The following SH3RF1 variants were observed in gnomAD, a reference collection of about 807,000 sequenced individuals.
The protein encoded by SH3RF1 is SH3 domain containing ring finger 1, also known as E3 ubiquitin-protein ligase SH3RF1.
In SH3RF1, 32 loss-of-function variants were observed where a neutral mutation model predicts 74.0. That is an observed-to-expected ratio of 0.43 (90% CI 0.33 to 0.58). The LOEUF (loss-of-function observed/expected upper bound fraction) is 0.58, where lower values mean the gene tolerates loss of function less well. Ranked by LOEUF, SH3RF1 falls within the 20% of genes least tolerant of loss-of-function variation. The pLI, the probability that SH3RF1 is intolerant of heterozygous loss-of-function variation, is 0.05. For synonymous variants in SH3RF1, 396 were observed against 439.6 expected (o/e 0.90, Z 1.24); for missense variants, 954 against 1,130.9 (o/e 0.84, Z 2.24).
chr4:169,180,756 C>T (rs900528477), intron 2 of SH3RF1, among the ~76,000 whole-genome samples: 11 of 152,246 alleles, frequency 7.2e-5, no homozygotes, highest in African/African-American at 2.6e-4. Flanking sequence ...TTGAAACAAA[C>T]TCACTTATTC....
At chr4:169,107,275 C>T in intron 10 of SH3RF1, 70 bp from the exon 11 acceptor site, 1 of 1,364,316 alleles carries the variant, frequency 7.3e-7, no homozygotes, top group Non-Finnish European at 9.9e-7. Flanking sequence ...CTAAAGGGCC[C>T]TATAGTTCAT....
At position 169,117,528 on chromosome 4, in the gene SH3RF1, C is replaced by T. The variant is rs747837862; in HGVS notation, c.1772G>A (p.Arg591Lys). 5.0e-6 allele frequency: 8 copies of T among 1,614,218 alleles called. No individual in the cohort carries two copies. The South Asian group carries it at 7.7e-5, about 16-fold the overall frequency. ...TGGCCTGGGTTCCTCCTTACCTGTC[C>T]TCACAGCATTGCGGGCCTGGTTGAC... ...MTVNQARNAV[R>K]TVAAHNQERP... The change falls in exon 9 of 12, where the codon AGG becomes AAG. Residue 591 changes from arginine to lysine, a missense_variant. By Grantham distance (26) the Arg-to-Lys change is conservative. Coordinates refer to ENST00000284637, the MANE Select transcript of SH3RF1 (RefSeq NM_020870.4).
At chr4:169,181,217 T>A (rs1734504495) in intron 2 of SH3RF1, among the ~76,000 whole-genome samples, 1 of 150,840 alleles carries the variant, frequency 6.6e-6, no homozygotes, top group Admixed American at 6.6e-5. Flanking sequence ...TGATGTCTCA[T>A]ACCCAAAATT....
At chr4:169,254,414 G>C (rs1731151014) in intron 2 of SH3RF1, among the ~76,000 whole-genome samples, 1 of 152,050 alleles carries the variant, frequency 6.6e-6, no homozygotes, top group Non-Finnish European at 1.5e-5. Context: ...TAATAAACAA[G>C]GTATATATGT....
At chr4:169,264,923 C>T (rs904428679) in intron 2 of SH3RF1, among the ~76,000 whole-genome samples, 17 of 152,318 alleles carry the variant, frequency 1.1e-4, no homozygotes, top group Admixed American at 1.1e-3. Context: ...TTCGCCTCTG[C>T]CCCTTCCCTG....
intron 8 of SH3RF1, among the ~76,000 whole-genome samples, chr4:169,120,211 A>C (rs1733415378): frequency 6.6e-6 from 1 of 152,236 alleles, no homozygotes; most frequent in South Asian, 2.1e-4. Flanking sequence ...TCAGTTGAGA[A>C]GGATCTATGC....
At chr4:169,101,436 G>A (rs534557009) in intron 11 of SH3RF1, among the ~76,000 whole-genome samples, 1 of 152,210 alleles carries the variant, frequency 6.6e-6, no homozygotes, top group African/African-American at 2.4e-5. Context: ...AAGTAGAAGG[G>A]TGGTTGCAGG....
chr4:169,173,310 T>C (rs1158723817), intron 2 of SH3RF1, among the ~76,000 whole-genome samples: 3 of 152,106 alleles, frequency 2.0e-5, no homozygotes, highest in African/African-American at 7.2e-5. Context: ...CACCAAATAA[T>C]TGACTCAGGC....
At chr4:169,208,067 T>C (rs940570260) in intron 2 of SH3RF1, among the ~76,000 whole-genome samples, 3 of 151,998 alleles carry the variant, frequency 2.0e-5, no homozygotes, top group African/African-American at 7.2e-5. Context: ...TGCTATGCAC[T>C]AGGTAACATG....
At chr4:169,226,584 A>AC (rs1228251578) in intron 2 of SH3RF1, among the ~76,000 whole-genome samples, 2 of 152,210 alleles carry the variant, frequency 1.3e-5, no homozygotes, top group African/African-American at 4.8e-5. Context: ...ACCATTCCTT[A>AC]CCCCCCTAGA....
chr4:169,237,901 T>C (rs1188032819), intron 2 of SH3RF1, among the ~76,000 whole-genome samples: 1 of 152,238 alleles, frequency 6.6e-6, no homozygotes, highest in East Asian at 1.9e-4. Flanking sequence ...TGAAATCTGA[T>C]CACCCTTGAT....
At chr4:169,217,007 A>C (rs1415261084) in intron 2 of SH3RF1, among the ~76,000 whole-genome samples, 4 of 135,766 alleles carry the variant, frequency 2.9e-5, no homozygotes, top group South Asian at 2.6e-4. Flanking sequence ...AAAAAAAAAA[A>C]AAAAAACCAG....
chr4:169,226,588 C>A (rs550475790), intron 2 of SH3RF1, among the ~76,000 whole-genome samples: 2 of 152,056 alleles, frequency 1.3e-5, no homozygotes, highest in African/African-American at 2.4e-5. Flanking sequence ...TTCCTTACCC[C>A]CCTAGAAAGG....
chr4:169,098,162 G>C (rs925528844), intron 11 of SH3RF1, among the ~76,000 whole-genome samples: 2 of 152,236 alleles, frequency 1.3e-5, no homozygotes, highest in Non-Finnish European at 2.9e-5. Flanking sequence ...TTAAGCCACT[G>C]ACTTTTGGGC....
At chr4:169,146,574 A>G (rs1186597667) in intron 4 of SH3RF1, among the ~76,000 whole-genome samples, 1 of 152,154 alleles carries the variant, frequency 6.6e-6, no homozygotes, top group Non-Finnish European at 1.5e-5. Context: ...TATTGAGAGG[A>G]CAAAATGACA....
At chr4:169,203,138 T>G (rs1054094621) in intron 2 of SH3RF1, among the ~76,000 whole-genome samples, 1 of 152,204 alleles carries the variant, frequency 6.6e-6, no homozygotes, top group African/African-American at 2.4e-5. Flanking sequence ...CAGAAAACAC[T>G]TAAGAACATG....
chr4:169,166,348 G>T, intron 2 of SH3RF1: 1 of 156,890 alleles, frequency 6.4e-6, no homozygotes, highest in South Asian at 1.7e-4. Context: ...CTGGTGGTAA[G>T]GTGAAAACGG....
At chr4:169,227,543 T>C (rs1730670307) in intron 2 of SH3RF1, among the ~76,000 whole-genome samples, 2 of 152,230 alleles carry the variant, frequency 1.3e-5, no homozygotes, top group African/African-American at 2.4e-5. Flanking sequence ...CAATAGAATG[T>C]TTAAAATCTG....
chr4:169,149,611 C>T (rs1733944601), intron 4 of SH3RF1, among the ~76,000 whole-genome samples: 1 of 152,168 alleles, frequency 6.6e-6, no homozygotes, highest in Non-Finnish European at 1.5e-5. Flanking sequence ...TTATTTACTT[C>T]AGGTTTGAAA....
Sources: allele counts gnomAD v4.1 joint callset (sites outside exome capture counted in the v4.1 genomes callset), GRCh38; gene constraint gnomAD v4.1.1; transcripts MANE v1.5; gene names NCBI Gene and HGNC (gene_info 2026-07-23, HGNC 2026-07-21).